The following RERG variants were observed in gnomAD, a reference collection of about 807,000 sequenced individuals.
RERG encodes the protein ras-related and estrogen-regulated growth inhibitor.
In RERG, 25 loss-of-function variants were observed where a neutral mutation model predicts 23.2. The ratio of observed to expected loss-of-function variants is 1.08; its 90% CI spans 0.79 to 1.50. The LOEUF is 1.50. Ranked by LOEUF, RERG falls within the 40% of genes most tolerant of loss-of-function variation. The pLI, the probability that RERG is intolerant of heterozygous loss-of-function variation, is 0.00. For synonymous variants in RERG, 81 were observed against 89.1 expected (o/e 0.91, Z 0.51); for missense variants, 253 against 250.1 (o/e 1.01, Z -0.08).
At chr12:15,197,107 T>C (rs940826314) in intron 2 of RERG, among the ~76,000 whole-genome samples, 3 of 152,180 alleles carry the variant, frequency 2.0e-5, no homozygotes, top group Non-Finnish European at 4.4e-5. Flanking sequence ...TATTTTATTC[T>C]CCAAATATTT....
chr12:15,120,993 G>T, intron 3 of RERG, 70 bp downstream of exon 3: 1 of 1,173,078 alleles, frequency 8.5e-7, no homozygotes, highest in South Asian at 1.3e-5. Flanking sequence ...TGTTGCAACA[G>T]AAAACATTAT....
chr12:15,158,022 A>C (rs1035008824), intron 2 of RERG, among the ~76,000 whole-genome samples: 60 of 152,150 alleles, frequency 3.9e-4, no homozygotes, highest in African/African-American at 1.3e-3. Flanking sequence ...CTTACATTTA[A>C]GTGTTTCAAT....
chr12:15,184,176 T>C (rs531821559), intron 2 of RERG, among the ~76,000 whole-genome samples: 2 of 152,296 alleles, frequency 1.3e-5, no homozygotes, highest in East Asian at 3.9e-4. Context: ...TCCAAAGATA[T>C]AGAAGAAGAA....
At chr12:15,172,549 C>T (rs1474167339) in intron 2 of RERG, among the ~76,000 whole-genome samples, 1 of 152,032 alleles carries the variant, frequency 6.6e-6, no homozygotes, top group African/African-American at 2.4e-5. Flanking sequence ...TAGGAGCTGC[C>T]AAACGGTTTT....
chr12:15,142,154 T>A (rs1864248567), intron 2 of RERG, among the ~76,000 whole-genome samples: 1 of 152,204 alleles, frequency 6.6e-6, no homozygotes, highest in African/African-American at 2.4e-5. Flanking sequence ...AATAAATGTG[T>A]TAAAAATTAT....
chr12:15,181,891 A>G (rs79606309), intron 2 of RERG, among the ~76,000 whole-genome samples: 1,971 of 152,274 alleles, frequency 0.013, 40 homozygotes, highest in African/African-American at 0.044. Flanking sequence ...TTCGCTATTC[A>G]TAGAGCAAAC....
At chr12:15,196,806 T>A in intron 2 of RERG, among the ~76,000 whole-genome samples, 1 of 152,176 alleles carries the variant, frequency 6.6e-6, no homozygotes, top group East Asian at 1.9e-4. Flanking sequence ...TAAGCATTCA[T>A]AGCAGTTTAT....
chr12:15,145,482 G>C (rs1325351058), intron 2 of RERG, among the ~76,000 whole-genome samples: 1 of 152,220 alleles, frequency 6.6e-6, no homozygotes, highest in African/African-American at 2.4e-5. Context: ...ATCTCAAACA[G>C]GGTGGCAGAG....
intron 3 of RERG, among the ~76,000 whole-genome samples, chr12:15,116,393 T>G (rs1565506284): frequency 6.6e-6 from 1 of 152,222 alleles, no homozygotes; most frequent in Non-Finnish European, 1.5e-5. Context: ...CATTTTTCTG[T>G]GTTGCTTCCA....
At chr12:15,147,266 T>A (rs573887877) in intron 2 of RERG, among the ~76,000 whole-genome samples, 1 of 152,296 alleles carries the variant, frequency 6.6e-6, no homozygotes, top group African/African-American at 2.4e-5. Context: ...ATATTAGAAA[T>A]CTAAATGATT....
chr12:15,211,594 A>C (rs1014450090), intron 2 of RERG, among the ~76,000 whole-genome samples: 4 of 152,166 alleles, frequency 2.6e-5, no homozygotes, highest in African/African-American at 7.2e-5. Flanking sequence ...CAGGAGGAAG[A>C]TGTTCTGGTG....
intron 2 of RERG, among the ~76,000 whole-genome samples, chr12:15,146,541 T>C (rs1052506296): frequency 6.6e-6 from 1 of 152,236 alleles, no homozygotes; most frequent in Admixed American, 6.5e-5. Context: ...AACTGAGGTT[T>C]ACATGGCTTG....
At chr12:15,168,884 A>G (rs1864733754) in intron 2 of RERG, among the ~76,000 whole-genome samples, 1 of 152,264 alleles carries the variant, frequency 6.6e-6, no homozygotes, top group South Asian at 2.1e-4. Flanking sequence ...CTTCTCAAGT[A>G]CATAGTGAGG....
intron 2 of RERG, among the ~76,000 whole-genome samples, chr12:15,212,587 A>G (rs1459675048): frequency 6.6e-6 from 1 of 152,192 alleles, no homozygotes; most frequent in African/African-American, 2.4e-5. Context: ...TTTGAAAACA[A>G]TATTCAGAAA....
intron 2 of RERG, among the ~76,000 whole-genome samples, chr12:15,185,299 G>A (rs1175563355): frequency 1.3e-5 from 2 of 152,004 alleles, no homozygotes; most frequent in Non-Finnish European, 2.9e-5. Flanking sequence ...TCTTAACCGT[G>A]GCCTAGACAT....
chr12:15,148,066 T>A (rs545373574), intron 2 of RERG, among the ~76,000 whole-genome samples: 1 of 152,324 alleles, frequency 6.6e-6, no homozygotes, highest in African/African-American at 2.4e-5. Context: ...TAAGGTCATA[T>A]TCTGCAAACC....
chr12:15,123,801 T>C (rs1863885759), intron 2 of RERG, among the ~76,000 whole-genome samples: 1 of 152,058 alleles, frequency 6.6e-6, no homozygotes, highest in Admixed American at 6.5e-5. Flanking sequence ...ATGGTGGTAT[T>C]GATTTAAGGC....
At chr12:15,146,731 A>C (rs1353698656) in intron 2 of RERG, among the ~76,000 whole-genome samples, 1 of 152,246 alleles carries the variant, frequency 6.6e-6, no homozygotes, top group East Asian at 1.9e-4. Context: ...TCCCAGGCAC[A>C]GAGCATGGGA....
chr12:15,217,352 C>A, intron 2 of RERG, 77 bp downstream of exon 2: 1 of 955,588 alleles, frequency 1.0e-6, no homozygotes, highest in South Asian at 1.3e-5. Context: ...ACTCACCTGC[C>A]CAATCCCAAG....
Sources: allele counts gnomAD v4.1 joint callset (sites outside exome capture counted in the v4.1 genomes callset), GRCh38; gene constraint gnomAD v4.1.1; transcripts MANE v1.5; gene names NCBI Gene and HGNC (gene_info 2026-07-23, HGNC 2026-07-21).